Variants in PCARE observed in about 807,000 individuals in gnomAD.
PCARE encodes the protein photoreceptor cilium actin regulator, also known as uncharacterized protein C2orf71.
A neutral mutation model predicts 82.2 loss-of-function variants in PCARE; 72 were observed. That is an observed-to-expected ratio of 0.88 (90% CI 0.72 to 1.07). The LOEUF is 1.07. PCARE is among the 50% of genes least tolerant of loss of function. The pLI is 0.00. For missense variants in PCARE, 1,768 were observed against 1,592.4 expected (o/e 1.11, Z -1.88); for synonymous variants, 705 against 634.8 (o/e 1.11, Z -1.66).
At chr2:29,069,794 G>A (rs1023620515) in intron 1 of PCARE, among the ~76,000 whole-genome samples, 3 of 152,132 alleles carry the variant, frequency 2.0e-5, no homozygotes, top group Admixed American at 6.5e-5. Flanking sequence ...ATATTTCTCA[G>A]TTTTAACTTC....
chr2:29,073,425 C>T lies in PCARE; in HGVS notation c.837G>A (p.Gln279=). 1.2e-6 allele frequency: 2 copies of T among 1,614,114 alleles called. No individual in the cohort carries two copies. Among genetic ancestry groups the T allele is most frequent in the South Asian group, 2.2e-5 (2 of 91,084 alleles). The part of the protein sequence containing the change: ...QLLQYTVSKL[Q]VLNGTVASLT... ...GCGAGGCCACTGTGCCATTGAGCAC[C>T]TGCAGCTTGCTGACTGTGTACTGTA... Residue 279 remains glutamine, a synonymous_variant, in exon 1 of 2, where the codon CAG becomes CAA. Transcript: ENST00000331664.
At position 29,064,723 on chromosome 2, in the gene PCARE, C is replaced by A; in HGVS notation, c.*146G>T. The A allele has an allele frequency of 2.0e-6, 2 of 1,017,568 alleles. No homozygotes were observed. The highest frequency in any genetic ancestry group is 2.9e-6 in the Non-Finnish European group (2 of 683,444). 63.0% of individuals were successfully genotyped at this position (1,017,568 alleles called of 1,614,324 possible). ...GGCGATTGTTTAAAATTCAGCAGACCCACTGGGCAGTGCACCTTCCAGGCC... is the reference window on the plus strand; with the variant it reads ...GGCGATTGTTTAAAATTCAGCAGACACACTGGGCAGTGCACCTTCCAGGCC... On this transcript the variant is annotated 3_prime_UTR_variant, in exon 2 of 2. Coordinates refer to ENST00000331664, the MANE Select transcript of PCARE (RefSeq NM_001029883.3).
Position 29,064,636 on chromosome 2 carries a change from G to C in PCARE, c.*233C>G, listed in dbSNP as rs1182758832. ...TGAAGCATTAAATACTGTCATTGTG[G>C]GGTCTAAAAGTTCTGGTTAACCTTT... On this transcript the variant is annotated 3_prime_UTR_variant, in exon 2 of 2. Transcript: ENST00000331664. 4 of 602,658 alleles carry C rather than the reference G, an allele frequency of 6.6e-6. No individual in the cohort carries two copies. In the African/African-American group the frequency reaches 7.4e-5, roughly 11 times the overall value. The allele number at this position is 602,658 out of a possible 1,614,324, so 37.3% of individuals were successfully genotyped here.
At chr2:29,069,152 AAAGG>A (rs1435246526) in intron 1 of PCARE, among the ~76,000 whole-genome samples, 2 of 152,194 alleles carry the variant, frequency 1.3e-5, no homozygotes, top group Non-Finnish European at 2.9e-5. Context: ...CAGATGCTAA[AAAGG>A]TTTGAAAAAA....
chr2:29,073,454 G>A lies in PCARE; in HGVS notation c.808C>T (p.Leu270=), dbSNP rs1572829476. The A allele has an allele frequency of 3.1e-6, 5 of 1,614,080 alleles. No individual in the cohort carries two copies. In the Admixed American group the frequency reaches 8.3e-5, roughly 27 times the overall value. Residue 270 remains leucine, a synonymous_variant, in exon 1 of 2, where the codon CTG becomes TTG. Coordinates refer to ENST00000331664, the MANE Select transcript of PCARE (RefSeq NM_001029883.3). ...AGCTTGCTGACTGTGTACTGTAGCA[G>A]CTGTTGCAGGAGATTTGGCTGCTCC... ...PQEQPNLLQQ[L]LQYTVSKLQV...
In PCARE at chr2:29,073,430, G is replaced by A. The variant is rs1667529548; in HGVS notation, c.832C>T (p.Leu278=). The change falls in exon 1 of 2, where the codon CTG becomes TTG. Residue 278 remains leucine, a synonymous_variant. Coordinates refer to ENST00000331664, the MANE Select transcript of PCARE (RefSeq NM_001029883.3). ...QQLLQYTVSK[L]QVLNGTVASL... is the part of the protein sequence containing the mutation. Reference sequence around the variant, plus strand: ...GCCACTGTGCCATTGAGCACCTGCAGCTTGCTGACTGTGTACTGTAGCAGC... The same window carrying A: ...GCCACTGTGCCATTGAGCACCTGCAACTTGCTGACTGTGTACTGTAGCAGC... The A allele has an allele frequency of 6.2e-7, 1 of 1,614,146 alleles. No individual in the cohort carries two copies. The highest frequency in any genetic ancestry group is 1.1e-5 in the South Asian group (1 of 91,086).
In PCARE at chr2:29,065,072, C is replaced by T. The variant is rs886055920; in HGVS notation, c.3669-5G>A. ...TTAGGGCTCTCCTCGCTGCTGCTGC[C>T]GAGAGAAAGGACAAGTGCAGGTCAG... On this transcript the variant is annotated splice_region_variant and splice_polypyrimidine_tract_variant and intron_variant, in intron 1 of 1. Transcript: ENST00000331664. 2.6e-5 allele frequency: 36 copies of T among 1,381,694 alleles called. No individual in the cohort carries two copies. In the East Asian group the frequency reaches 8.2e-4, roughly 31 times the overall value. 85.6% of individuals were successfully genotyped at this position (1,381,694 alleles called of 1,614,324 possible).
rs770211131 is a variant in PCARE at position 29,073,692 on chromosome 2, A to AGCCTGCTGGTG, written c.569_570insCACCAGCAGGC (p.Leu191ThrfsTer69). On this transcript the variant is annotated frameshift_variant, in exon 1 of 2. Transcript: ENST00000331664. LOFTEE classifies it high-confidence loss of function. ...CATATTTGGAGAGGCTGGAGTGTAG[A>AGCCTGCTGGTG]TAGGTGTAAGCCTGCTGGTGGGCCT... The AGCCTGCTGGTG allele has an allele frequency of 6.2e-7, 1 of 1,614,156 alleles. No homozygotes were observed. The highest frequency in any genetic ancestry group is 2.2e-5 in the East Asian group (1 of 44,890).
chr2:29,064,658 C>G lies in PCARE; in HGVS notation c.*211G>C, dbSNP rs1195224723. On this transcript the variant is annotated 3_prime_UTR_variant, in exon 2 of 2. Transcript: ENST00000331664. ...GTGGGGTCTAAAAGTTCTGGTTAAC[C>G]TTTGAACCCCAAGGCAGAGCAAGAT... 1.6e-6 allele frequency: 1 copy of G among 633,842 alleles called. No homozygotes were observed. The highest frequency in any genetic ancestry group is 2.8e-6 in the Non-Finnish European group (1 of 360,920). 39.3% of individuals were successfully genotyped at this position (633,842 alleles called of 1,614,324 possible).
rs1667327989 is a variant in PCARE, at chr2:29,062,684, C to T, written c.*2185G>A. On this transcript the variant is annotated 3_prime_UTR_variant, in exon 2 of 2. Coordinates refer to ENST00000331664, the MANE Select transcript of PCARE (RefSeq NM_001029883.3). ...TCGGCCACCCTTTCCACTTTCTACC[C>T]AGCCCTGGACTTTTAAGATGAGGCC... The T allele has an allele frequency of 6.6e-6, 1 of 152,270 alleles. No homozygotes were observed. Among genetic ancestry groups the T allele is most frequent in the African/African-American group, 2.4e-5 (1 of 41,466 alleles). 9.4% of individuals were successfully genotyped at this position (152,270 alleles called of 1,614,324 possible).
At position 29,073,491 on chromosome 2, in the gene PCARE, T is replaced by C. The variant is rs555585874; in HGVS notation, c.771A>G (p.Lys257=). 4.2e-5 allele frequency: 67 copies of C among 1,614,110 alleles called. No homozygotes were observed. In the South Asian group the frequency reaches 6.6e-4, roughly 16 times the overall value. Residue 257 remains lysine (K), a synonymous_variant, in exon 1 of 2, where the codon AAA becomes AAG. Coordinates refer to ENST00000331664, the MANE Select transcript of PCARE (RefSeq NM_001029883.3). ...GATTTGGCTGCTCCTGGGGCTCTCT[T>C]TTCTTCAAAGGCCAAGCCAGATCCT... The part of the protein sequence containing the change: ...VREDLAWPLK[K]REPQEQPNLL...
At position 29,072,743 on chromosome 2, in the gene PCARE, C is replaced by T. The variant is rs1253679295; in HGVS notation, c.1519G>A (p.Glu507Lys). The change falls in exon 1 of 2, where the codon GAA (glutamate) becomes AAA (lysine). Residue 507 changes from glutamate (E) to lysine (K), a missense_variant. By Grantham distance (56) the Glu-to-Lys change is moderately conservative. Transcript: ENST00000331664. The part of the protein sequence containing the change: ...MSSMSLCAWQ[E>K]KTPHSRPQSS... ...TGTGGCCTTGAATGTGGAGTTTTTT[C>T]CTGCCAGGCACACAGACTCATGCTG... The T allele has an allele frequency of 6.2e-7, 1 of 1,614,016 alleles. No individual in the cohort carries two copies. Among genetic ancestry groups the T allele is most frequent in the Non-Finnish European group, 8.5e-7 (1 of 1,180,002 alleles).
rs554321432 is a variant in PCARE, at chr2:29,070,604, C to T, written c.3658G>A (p.Gly1220Ser). 120 of 1,613,992 alleles carry T rather than the reference C, an allele frequency of 7.4e-5. 1 individual carries two copies. Among genetic ancestry groups the T allele is most frequent in the South Asian group, 6.6e-5 (6 of 91,078 alleles). Residue 1220 changes from glycine (G) to serine (S), a missense_variant, in exon 1 of 2, where the codon GGC becomes AGC. Physicochemically the swap from Gly to Ser is moderately conservative, Grantham distance 56. Coordinates refer to ENST00000331664, the MANE Select transcript of PCARE (RefSeq NM_001029883.3). ...PTSTSYESQL[G>S]QNSSSEESPK... The stretch of plus-strand genomic sequence containing the variant: ...CAGGACACTCCTTACCTGTTCTGGC[C>T]GAGCTGGGATTCATAAGAGGTGCTG...
chr2:29,064,988 G>T lies in PCARE; in HGVS notation c.3748C>A (p.Arg1250Ser). 1 of 1,579,450 alleles carries T rather than the reference G, an allele frequency of 6.3e-7. No homozygotes were observed. Among genetic ancestry groups the T allele is most frequent in the Non-Finnish European group, 8.6e-7 (1 of 1,162,510 alleles). ...ACACAGAACTCTGGGGGAGATGCAC[G>T]CCTGGTGCCGCCCTGCAGTTCAGGG... ...CSPELQGGTRRASPPEFCVLG... is the reference protein window; with the variant it reads ...CSPELQGGTRSASPPEFCVLG... The change falls in exon 2 of 2, where the codon CGT becomes AGT. Residue 1250 changes from arginine (R) to serine (S), a missense_variant. Transcript: ENST00000331664.
In PCARE at chr2:29,073,539, T is replaced by C. The variant is rs775327922; in HGVS notation, c.723A>G (p.Glu241=). ...CCTCCCTGACTTCCTGCAGGAGCAC[T>C]TCTCCATCCTTGGAGATCTCCCCCA... The part of the protein sequence containing the change: ...QLLGEISKDG[E]VLLQEVREDL... Residue 241 remains glutamate, a synonymous_variant, in exon 1 of 2, where the codon GAA becomes GAG. Coordinates refer to ENST00000331664, the MANE Select transcript of PCARE (RefSeq NM_001029883.3). The C allele has an allele frequency of 2.5e-6, 4 of 1,614,206 alleles. No individual in the cohort carries two copies. Among genetic ancestry groups the C allele is most frequent in the Non-Finnish European group, 3.4e-6 (4 of 1,180,032 alleles).
Position 29,072,960 on chromosome 2 carries a change from G to T in PCARE, c.1302C>A (p.Cys434Ter). Residue 434 changes from cysteine to a stop codon, truncating the protein, a stop_gained, in exon 1 of 2, where the codon TGC (cysteine) becomes TGA (stop). Coordinates refer to ENST00000331664, the MANE Select transcript of PCARE (RefSeq NM_001029883.3). LOFTEE classifies it high-confidence loss of function. ...PRAQDEARSP[C>*]LSSTSPENIT... ...TATTTTCTGGGCTTGTACTGGAGAGGCATGGGCTCCTTGCTTCGTCCTGTG... is the reference window on the plus strand; with the variant it reads ...TATTTTCTGGGCTTGTACTGGAGAGTCATGGGCTCCTTGCTTCGTCCTGTG... 6.2e-7 allele frequency: 1 copy of T among 1,614,154 alleles called. No individual in the cohort carries two copies. Among genetic ancestry groups the T allele is most frequent in the Non-Finnish European group, 8.5e-7 (1 of 1,180,026 alleles).
chr2:29,070,731 C>A lies in PCARE; in HGVS notation c.3531G>T (p.Arg1177=). ...GGTTGAGGGCACACAGAGCTGCTCTCCGCTGCGAGTCTGCTCTCAGCCAAG... is the reference window on the plus strand; with the variant it reads ...GGTTGAGGGCACACAGAGCTGCTCTACGCTGCGAGTCTGCTCTCAGCCAAG... ...SGPWLRADSQ[R]RAALCALNPL... Residue 1177 remains arginine, a synonymous_variant, in exon 1 of 2, where the codon CGG becomes CGT. Transcript: ENST00000331664. 6.2e-7 allele frequency: 1 copy of A among 1,614,142 alleles called. No homozygotes were observed. The highest frequency in any genetic ancestry group is 1.1e-5 in the South Asian group (1 of 91,086).
rs1213958272 is a variant in PCARE, at chr2:29,064,196, C to G, written c.*673G>C. The G allele has an allele frequency of 6.5e-6, 1 of 153,486 alleles. No homozygotes were observed. The highest frequency in any genetic ancestry group is 1.5e-5 in the Non-Finnish European group (1 of 68,584). The allele number at this position is 153,486 out of a possible 1,614,324, so 9.5% of individuals were successfully genotyped here. On this transcript the variant is annotated 3_prime_UTR_variant, in exon 2 of 2. Transcript: ENST00000331664. ...GCCTTCTCATTTTGGGAGCCATGCA[C>G]TTCTAAACAAAGCTCTCAATAGGGA...
In PCARE at chr2:29,071,939, C is replaced by A. The variant is rs376533270; in HGVS notation, c.2323G>T (p.Ala775Ser). Residue 775 changes from alanine to serine, a missense_variant, in exon 1 of 2, where the codon GCC (alanine) becomes TCC (serine). Coordinates refer to ENST00000331664, the MANE Select transcript of PCARE (RefSeq NM_001029883.3). ...ATTTGGGGCTTCGGATACAAAGGGG[C>A]AAGCCCTGTGTACTTGGGAAATCTG... The part of the protein sequence containing the change: ...PPRFPKYTGL[A>S]PLYPKPQISP... 2.5e-6 allele frequency: 4 copies of A among 1,614,188 alleles called. No individual in the cohort carries two copies. The highest frequency in any genetic ancestry group is 2.5e-6 in the Non-Finnish European group (3 of 1,180,030).
Sources: gnomAD v4.1 joint callset for allele counts (sites outside exome capture counted in the v4.1 genomes callset) on GRCh38, gnomAD v4.1.1 for gene constraint, MANE v1.5 for transcripts, NCBI Gene and HGNC (gene_info 2026-07-23, HGNC 2026-07-21) for gene names.